LACTBL1: variants seen among roughly 807,000 people sequenced by gnomAD.
LACTBL1 encodes beta-lactamase-like protein 1.
In LACTBL1, 29 loss-of-function variants were observed where a neutral mutation model predicts 39.6. The ratio of observed to expected loss-of-function variants is 0.73; its 90% CI spans 0.55 to 1.00. The LOEUF (loss-of-function observed/expected upper bound fraction) is 1.00, where lower values mean the gene tolerates loss of function less well. Among genes scored for constraint, LACTBL1 ranks in the 50% least tolerant of loss-of-function variants. LACTBL1 has a pLI of 0.00. For synonymous variants in LACTBL1, 361 were observed against 360.7 expected (o/e 1.00, Z -0.01); for missense variants, 711 against 748.5 (o/e 0.95, Z 0.59).
chr1:22,954,121 A>G, intron 5 of LACTBL1, 97 bp from the exon 8 acceptor site: 1 of 1,444,586 alleles, frequency 6.9e-7, no homozygotes, highest in Non-Finnish European at 9.1e-7. Flanking sequence ...CGGGGCTGGG[A>G]AGGAACCTGC....
At chr1:22,957,636 T>C (rs990564064) in intron 4 of LACTBL1, among the ~76,000 whole-genome samples, 5 of 138,188 alleles carry the variant, frequency 3.6e-5, no homozygotes, top group Non-Finnish European at 7.8e-5. Flanking sequence ...TATTTCTTAA[T>C]ATTCTTTTTT....
chr1:22,965,938 G>T (rs573513888), upstream of LACTBL1, among the ~76,000 whole-genome samples: 27 of 152,260 alleles, frequency 1.8e-4, no homozygotes, highest in African/African-American at 6.5e-4. Flanking sequence ...CCAGGGGATG[G>T]GGGTAGCAAG....
At chr1:22,953,588 G>C in exon 6 of LACTBL1, 4 of 1,257,254 alleles carry the variant, frequency 3.2e-6, no homozygotes, top group Non-Finnish European at 4.0e-6. Flanking sequence ...TAGCCGTCCA[G>C]ATCGCCGTCC....
exon 4 of LACTBL1, chr1:22,958,857 G>A (rs888938267): frequency 4.1e-5 from 63 of 1,550,434 alleles, no homozygotes; most frequent in Non-Finnish European, 5.1e-5. Flanking sequence ...GGGAGGCCAC[G>A]ATGCCCTCCT....
At chr1:22,953,210 C>T (rs1640721596) in exon 6 of LACTBL1, 10 of 1,232,044 alleles carry the variant, frequency 8.1e-6, no homozygotes, top group East Asian at 3.2e-5. Context: ...AGTGGCAGTG[C>T]GCAGGGGAAC....
At chr1:22,964,442 C>A (rs35949582) in intron 1 of LACTBL1, among the ~76,000 whole-genome samples, 1 of 152,138 alleles carries the variant, frequency 6.6e-6, no homozygotes, top group Non-Finnish European at 1.5e-5. Flanking sequence ...GGAGACACCG[C>A]CCCCCTCAAC....
upstream of LACTBL1, among the ~76,000 whole-genome samples, chr1:22,965,655 A>G (rs556019245): frequency 1.2e-4 from 19 of 152,176 alleles, no homozygotes; most frequent in South Asian, 1.9e-3. Flanking sequence ...TTGTTCCCCT[A>G]TGGACTTAGT....
At chr1:22,953,130 G>A (rs1640719889) in exon 6 of LACTBL1, 9 of 1,232,128 alleles carry the variant, frequency 7.3e-6, no homozygotes, top group Admixed American at 4.2e-5. Context: ...GTGACAGCCC[G>A]TGGTGATCCA....
Position 22,959,595 on chromosome 1 carries a change from G to A in LACTBL1, c.317+347C>T, listed in dbSNP as rs548363255. 1.3e-4 allele frequency among the ~76,000 whole-genome samples: 20 copies of A among 152,318 alleles called. No individual in the cohort carries two copies. The East Asian group carries it at 2.3e-3, about 18-fold the overall frequency. On this transcript the variant is annotated intron_variant, in intron 3 of 5. Transcript: ENST00000426928. ...CACTGCTGCCACTTGACAGGGACCT[G>A]GGGCAAGGACCTAGGAACTGGTTAT... is the stretch of plus-strand genomic sequence containing the variant.
At chr1:22,953,907 T>G (rs1570497255) in exon 6 of LACTBL1, 3 of 1,550,266 alleles carry the variant, frequency 1.9e-6, no homozygotes, top group East Asian at 4.9e-5. Context: ...AGCCCGTGTC[T>G]GCCATCCCCA....
exon 6 of LACTBL1, chr1:22,953,823 A>G: frequency 6.5e-7 from 1 of 1,547,734 alleles, no homozygotes; most frequent in South Asian, 1.2e-5. Context: ...AGCCCAGGTC[A>G]TAGAGTGGCG....
At chr1:22,960,088 G>C (rs866652757) in exon 3 of LACTBL1, 1 of 1,550,506 alleles carries the variant, frequency 6.4e-7, no homozygotes, top group African/African-American at 1.4e-5. Flanking sequence ...CCTGGCGCAG[G>C]ATCTGGTCCA....
At chr1:22,953,108 C>T (rs1420292088) in exon 6 of LACTBL1, 4 of 1,229,796 alleles carry the variant, frequency 3.3e-6, no homozygotes, top group Non-Finnish European at 4.1e-6. Flanking sequence ...AGGCCGGGCA[C>T]GTCGAAGCCG....
chr1:22,961,143 T>A (rs1570500985), intron 2 of LACTBL1, among the ~76,000 whole-genome samples: 1 of 152,226 alleles, frequency 6.6e-6, no homozygotes, highest in South Asian at 2.1e-4. Context: ...CGATAACAGC[T>A]GACATTTATT....
intron 1 of LACTBL1, 123 bp downstream of exon 3, chr1:22,965,167 C>G (rs940722661): frequency 2.4e-6 from 2 of 841,832 alleles, no homozygotes; most frequent in Non-Finnish European, 3.2e-6. Context: ...AGAATGGAGT[C>G]CAGAGCTTCT....
At chr1:22,966,595 A>T (rs1049273795), upstream of LACTBL1, among the ~76,000 whole-genome samples, 2 of 152,138 alleles carry the variant, frequency 1.3e-5, no homozygotes, top group Admixed American at 6.5e-5. Context: ...GAAAGACACA[A>T]TCCCCAGGTG....
At chr1:22,967,135 A>G (rs905816440), upstream of LACTBL1, among the ~76,000 whole-genome samples, 5 of 152,150 alleles carry the variant, frequency 3.3e-5, no homozygotes, top group Admixed American at 3.3e-4. Context: ...TTGAGAGGCC[A>G]AGGCGGGTGG....
Position 22,955,314 on chromosome 1 carries a change from T to C in LACTBL1, c.659+7A>G. ...CATGAGGCTGGGCATCAGGGTATGC[T>C]CCTCACCTGGTTCCCGGGTCCACTA... On this transcript the variant is annotated splice_region_variant and intron_variant, in intron 5 of 5. Transcript: ENST00000426928. 1 of 1,549,002 alleles carries C rather than the reference T, an allele frequency of 6.5e-7. No individual in the cohort carries two copies. Among genetic ancestry groups the C allele is most frequent in the Non-Finnish European group, 8.7e-7 (1 of 1,145,612 alleles).
exon 2 of LACTBL1, chr1:22,963,193 A>C: frequency 7.4e-7 from 1 of 1,346,886 alleles, no homozygotes. Context: ...ACAGGGGCAG[A>C]GGTCTCCTCT....
Sources: gnomAD v4.1 joint callset for allele counts (sites outside exome capture counted in the v4.1 genomes callset) on GRCh38, gnomAD v4.1.1 for gene constraint, MANE v1.5 for transcripts, NCBI Gene and HGNC (gene_info 2026-07-23, HGNC 2026-07-21) for gene names.